Variants in TMEM116 observed in about 807,000 individuals in gnomAD.
TMEM116 encodes the protein transmembrane protein 116.
TMEM116 carries 38 observed loss-of-function variants against 44.3 expected under a neutral mutation model. The observed-to-expected ratio is 0.86, with a 90% CI of 0.66 to 1.12. The LOEUF (loss-of-function observed/expected upper bound fraction) is 1.12, where lower values mean the gene tolerates loss of function less well. TMEM116 is among the 50% of genes most tolerant of loss of function. TMEM116 has a pLI of 0.00. For synonymous variants in TMEM116, 132 were observed against 144.8 expected (o/e 0.91, Z 0.64); for missense variants, 354 against 401.7 (o/e 0.88, Z 1.01).
intron 4 of TMEM116, among the ~76,000 whole-genome samples, chr12:111,980,950 T>C (rs776252682): frequency 1.3e-5 from 2 of 151,860 alleles, no homozygotes; most frequent in African/African-American, 2.4e-5. Context: ...AGTGTGTGCC[T>C]GTAGTTCCAG....
intron 4 of TMEM116, among the ~76,000 whole-genome samples, chr12:111,976,891 G>A (rs1251645397): frequency 2.6e-5 from 4 of 152,042 alleles, no homozygotes; most frequent in Non-Finnish European, 5.9e-5. Flanking sequence ...TTTATAATAT[G>A]TAAATAGAAA....
intron 4 of TMEM116, among the ~76,000 whole-genome samples, chr12:111,982,311 T>A (rs1000641840): frequency 1.4e-4 from 21 of 152,014 alleles, no homozygotes; most frequent in Non-Finnish European, 2.6e-4. Context: ...TACCTTTTTT[T>A]TTTTTTTGAG....
chr12:111,989,178 A>G (rs1295506427), intron 4 of TMEM116, among the ~76,000 whole-genome samples: 1 of 152,234 alleles, frequency 6.6e-6, no homozygotes, highest in Non-Finnish European at 1.5e-5. Flanking sequence ...GAAGTAAACC[A>G]AACAGAAGAA....
Position 112,013,155 on chromosome 12 carries a change from G to T in TMEM116, c.-187C>A. ...TTGGCGCTTCTCCTCAAGCGGAGCA[G>T]GAACGGAACTGGGCGGACCCGCCGG... is the stretch of plus-strand genomic sequence containing the variant. On this transcript the variant is annotated 5_prime_UTR_variant, in exon 1 of 11. It adds an upstream start codon to the 5' untranslated region. Coordinates refer to ENST00000552374, the MANE Select transcript of TMEM116 (RefSeq NM_001193531.2). The T allele has an allele frequency of 2.8e-6, 1 of 351,094 alleles. No homozygotes were observed. Among genetic ancestry groups the T allele is most frequent in the Non-Finnish European group, 5.2e-6 (1 of 192,056 alleles). The allele number at this position is 351,094 out of a possible 1,614,324, so 21.7% of individuals were successfully genotyped here.
intron 3 of TMEM116, chr12:111,993,520 C>T: frequency 1.8e-6 from 1 of 543,984 alleles, no homozygotes; most frequent in Non-Finnish European, 3.6e-6. Context: ...CTGTAATTGC[C>T]CTATGGAAGC....
chr12:111,995,615 G>A (rs942602398), intron 3 of TMEM116, among the ~76,000 whole-genome samples: 3 of 152,064 alleles, frequency 2.0e-5, no homozygotes, highest in Non-Finnish European at 4.4e-5. Context: ...GCGGGCGCCT[G>A]TAATTCCAGC....
chr12:111,994,928 T>C (rs2076847049), intron 3 of TMEM116, among the ~76,000 whole-genome samples: 1 of 152,144 alleles, frequency 6.6e-6, no homozygotes, highest in Non-Finnish European at 1.5e-5. Flanking sequence ...TGTCTATTTA[T>C]AGGCTCTCCA....
At chr12:111,944,746 A>G (rs1196687826) in intron 4 of TMEM116, among the ~76,000 whole-genome samples, 1 of 152,184 alleles carries the variant, frequency 6.6e-6, no homozygotes, top group Non-Finnish European at 1.5e-5. Flanking sequence ...AATCCTCAGA[A>G]AAGAGTAGGT....
At chr12:112,010,064 A>G (rs959553230) in intron 1 of TMEM116, among the ~76,000 whole-genome samples, 1 of 152,048 alleles carries the variant, frequency 6.6e-6, no homozygotes, top group Non-Finnish European at 1.5e-5. Flanking sequence ...ACTCCCTCCT[A>G]TCTGAGCTTA....
At position 112,005,264 on chromosome 12, in the gene TMEM116, T is replaced by C. The variant is rs548857315; in HGVS notation, c.7A>G (p.Thr3Ala). The change falls in exon 2 of 11, where the codon ACT becomes GCT. Residue 3 changes from threonine (T) to alanine (A), a missense_variant. By Grantham distance (58) the Thr-to-Ala change is moderately conservative (BLOSUM62 0). Transcript: ENST00000552374. MA[T>A]LSVIGSSSLI... Reference sequence around the variant, plus strand: ...GAGATTAAATAAACATACCTCAGAGTAGCCATGACAAATTGTATCCACTGT... The same window carrying C: ...GAGATTAAATAAACATACCTCAGAGCAGCCATGACAAATTGTATCCACTGT... 2 of 1,346,624 alleles carry C rather than the reference T, an allele frequency of 1.5e-6. No homozygotes were observed. The highest frequency in any genetic ancestry group is 1.9e-5 in the South Asian group (1 of 51,662). 83.4% of individuals were successfully genotyped at this position (1,346,624 alleles called of 1,614,324 possible). A position where few individuals can be genotyped will look rare whatever the true frequency, so the allele number is the denominator to read the frequency against.
At chr12:111,937,328 C>A in intron 6 of TMEM116, 85 bp from the exon 7 acceptor site, 1 of 1,000,370 alleles carries the variant, frequency 1.0e-6, no homozygotes, top group African/African-American at 1.6e-5. Context: ...GCTCTTCCCT[C>A]AACTCTATCA....
chr12:111,933,989 C>G lies in TMEM116; in HGVS notation c.630G>C (p.Val210=). ...CACTCCCCAGAAAGCCAGTTGACTT[C>G]ACAAACTTCTTATACAATGTCTGGG... ...IRAQTLYKKF[V]KSTGFLGSEQ... Residue 210 remains valine (V), a synonymous_variant, in exon 9 of 11, where the codon GTG becomes GTC. Transcript: ENST00000552374. 1 of 1,614,152 alleles carries G rather than the reference C, an allele frequency of 6.2e-7. No homozygotes were observed. The highest frequency in any genetic ancestry group is 8.5e-7 in the Non-Finnish European group (1 of 1,180,030).
rs148592149 is a variant in TMEM116 at position 111,969,846 on chromosome 12, C to T, written c.210+21912G>A. 4.8e-3 allele frequency among the ~76,000 whole-genome samples: 730 copies of T among 152,130 alleles called. 10 individuals carry two copies. Among genetic ancestry groups the T allele is most frequent in the African/African-American group, 0.017 (689 of 41,490 alleles). ...CCACCCACCTCAGCCTCTCAAAGTGCGGGGATTACAGGTGTGAGCCACTGC... is the reference window on the plus strand; with the variant it reads ...CCACCCACCTCAGCCTCTCAAAGTGTGGGGATTACAGGTGTGAGCCACTGC... On this transcript the variant is annotated intron_variant, in intron 4 of 10. Transcript: ENST00000552374.
intron 4 of TMEM116, among the ~76,000 whole-genome samples, chr12:111,951,752 C>A (rs762607974): frequency 1.3e-5 from 2 of 151,818 alleles, no homozygotes; most frequent in Non-Finnish European, 2.9e-5. Flanking sequence ...ATCTGTACAA[C>A]AAACCCCCAT....
chr12:112,006,159 G>A (rs2077573351), intron 1 of TMEM116: 1 of 158,562 alleles, frequency 6.3e-6, no homozygotes, highest in African/African-American at 2.4e-5. Flanking sequence ...GTGACAAGCG[G>A]AGGAGAAAGC....
chr12:111,943,173 C>G (rs1490207022), intron 5 of TMEM116, 92 bp downstream of exon 5: 1 of 1,018,076 alleles, frequency 9.8e-7, no homozygotes, highest in Non-Finnish European at 1.5e-6. Context: ...ATCTGCCCCC[C>G]TCAGCCTCCC....
chr12:111,990,381 G>A (rs1484608823), intron 4 of TMEM116, among the ~76,000 whole-genome samples: 3 of 152,088 alleles, frequency 2.0e-5, no homozygotes, highest in Non-Finnish European at 4.4e-5. Flanking sequence ...ACATTACAAA[G>A]TTAATCAGGT....
At chr12:112,010,560 C>T (rs1488126874) in intron 1 of TMEM116, 1 of 152,142 alleles carries the variant, frequency 6.6e-6, no homozygotes, top group African/African-American at 2.4e-5. Flanking sequence ...AGGATGGCTC[C>T]TCTCTGCAAC....
At chr12:111,951,967 T>A (rs2073768665) in intron 4 of TMEM116, among the ~76,000 whole-genome samples, 1 of 152,138 alleles carries the variant, frequency 6.6e-6, no homozygotes, top group East Asian at 1.9e-4. Flanking sequence ...CGGTGGCTCA[T>A]GCCTGTAATC....
Sources: allele counts gnomAD v4.1 joint callset (sites outside exome capture counted in the v4.1 genomes callset), GRCh38; gene constraint gnomAD v4.1.1; transcripts MANE v1.5; gene names NCBI Gene and HGNC (gene_info 2026-07-23, HGNC 2026-07-21).